Variants in STRADB observed in about 807,000 individuals in gnomAD.
STRADB encodes the protein STE20 related adaptor beta.
STRADB carries 34 observed loss-of-function variants against 52.1 expected under a neutral mutation model. The ratio of observed to expected loss-of-function variants is 0.65; its 90% CI spans 0.50 to 0.87. The LOEUF is 0.87. STRADB is among the 40% of genes least tolerant of loss of function. STRADB has a pLI of 0.00. For synonymous variants in STRADB, 133 were observed against 174.5 expected (o/e 0.76, Z 1.87); for missense variants, 340 against 483.9 (o/e 0.70, Z 2.79).
intron 3 of STRADB, among the ~76,000 whole-genome samples, chr2:201,465,090 C>T (rs1254325852): frequency 2.0e-5 from 3 of 152,208 alleles, no homozygotes; most frequent in African/African-American, 4.8e-5. Flanking sequence ...CTCTAGCCTA[C>T]TGTGGCTGAG....
rs1465400764 is a variant in STRADB at position 201,478,105 on chromosome 2, G to A, written c.739G>A (p.Val247Met). 1 of 1,610,798 alleles carries A rather than the reference G, an allele frequency of 6.2e-7. No individual in the cohort carries two copies. The highest frequency in any genetic ancestry group is 1.7e-4 in the Middle Eastern group (1 of 6,046). ...CCTACAGGATTTACATGGGTATAAT[G>A]TGAAGTCAGATATTTACAGTGTTGG... ...LLRQDLHGYN[V>M]KSDIYSVGIT... The change falls in exon 9 of 12, where the codon GTG (valine) becomes ATG (methionine). Residue 247 changes from valine (V) to methionine (M), a missense_variant. Val to Met is a conservative substitution (Grantham distance 21, BLOSUM62 1). Coordinates refer to ENST00000194530, the MANE Select transcript of STRADB (RefSeq NM_018571.6).
intron 7 of STRADB, among the ~76,000 whole-genome samples, chr2:201,477,033 G>T (rs372825256): frequency 2.6e-4 from 20 of 77,672 alleles, no homozygotes; most frequent in South Asian, 8.7e-4. Flanking sequence ...TCCATTTCTT[G>T]TTTGAAAAAA....
intron 3 of STRADB, among the ~76,000 whole-genome samples, chr2:201,468,859 C>A (rs1000980488): frequency 6.6e-6 from 1 of 152,128 alleles, no homozygotes; most frequent in Admixed American, 6.5e-5. Context: ...CTGAAGACTA[C>A]CTGTTTTAAA....
At chr2:201,477,065 T>G (rs1952487988) in intron 7 of STRADB, among the ~76,000 whole-genome samples, 2 of 106,268 alleles carry the variant, frequency 1.9e-5, no homozygotes, top group Admixed American at 9.1e-5. Flanking sequence ...TTTTTTTTTT[T>G]TTTTTTTTTT....
chr2:201,478,289 G>T, intron 9 of STRADB, 68 bp from the exon 10 acceptor site: 1 of 1,599,278 alleles, frequency 6.3e-7, no homozygotes, highest in Non-Finnish European at 8.5e-7. Context: ...ACTCTTAGGA[G>T]CTTTATTGTT....
chr2:201,474,478 A>AATT (rs1445397991), intron 5 of STRADB, 169 bp from the exon 6 acceptor site: 3 of 529,414 alleles, frequency 5.7e-6, no homozygotes, highest in Admixed American at 4.1e-5. Context: ...TGGGAATCAT[A>AATT]ATATCACATA....
At position 201,480,108 on chromosome 2, in the gene STRADB, C is replaced by T. The variant is rs777532118; in HGVS notation, c.1190C>T (p.Pro397Leu). 15 of 1,613,758 alleles carry T rather than the reference C, an allele frequency of 9.3e-6. No homozygotes were observed. The highest frequency in any genetic ancestry group is 1.2e-5 in the Non-Finnish European group (14 of 1,179,826). The change falls in exon 12 of 12, where the codon CCA (proline) becomes CTA (leucine). Residue 397 changes from proline (P) to leucine (L), a missense_variant. By Grantham distance (98) the Pro-to-Leu change is moderately conservative (BLOSUM62 -3). Coordinates refer to ENST00000194530, the MANE Select transcript of STRADB (RefSeq NM_018571.6). The stretch of plus-strand genomic sequence containing the variant: ...AACAAGCCATCAATATCATTGCCTC[C>T]AGTGTTACCTTGGACTGAGCCAGAA... ...AYNKPSISLP[P>L]VLPWTEPECD...
Position 201,472,966 on chromosome 2 carries a change from G to C in STRADB, c.205G>C (p.Asp69His). Residue 69 changes from aspartate to histidine, a missense_variant, in exon 5 of 12, where the codon GAC becomes CAC. Asp to His is a moderately conservative substitution (Grantham distance 81). Coordinates refer to ENST00000194530, the MANE Select transcript of STRADB (RefSeq NM_018571.6). ...ATGTCTGATTACAGGAAGAGGATTT[G>C]ACAACTTGACTTCTGTCCATCTTGC... Reference protein sequence around the residue: ...ELQVEIGRGFDNLTSVHLARH... With the variant: ...ELQVEIGRGFHNLTSVHLARH... The C allele has an allele frequency of 6.2e-7, 1 of 1,605,430 alleles. No homozygotes were observed. Among genetic ancestry groups the C allele is most frequent in the Non-Finnish European group, 8.5e-7 (1 of 1,176,770 alleles).
intron 3 of STRADB, chr2:201,460,713 A>G: frequency 4.5e-6 from 1 of 223,546 alleles, no homozygotes; most frequent in Non-Finnish European, 1.0e-5. Flanking sequence ...TTTTGTGGCT[A>G]AATAGTATTC....
At chr2:201,467,516 G>A (rs1489820489) in intron 3 of STRADB, among the ~76,000 whole-genome samples, 3 of 152,108 alleles carry the variant, frequency 2.0e-5, no homozygotes, top group South Asian at 2.1e-4. Context: ...TTTCTTAGGC[G>A]GAACTGAAAT....
intron 7 of STRADB, among the ~76,000 whole-genome samples, chr2:201,476,590 A>C (rs186441970): frequency 4.6e-5 from 7 of 152,166 alleles, no homozygotes; most frequent in African/African-American, 1.4e-4. Flanking sequence ...CTTATTGGAT[A>C]GTATTACATT....
At chr2:201,469,342 T>C (rs1167432187) in intron 3 of STRADB, among the ~76,000 whole-genome samples, 2 of 152,226 alleles carry the variant, frequency 1.3e-5, no homozygotes, top group African/African-American at 4.8e-5. Context: ...TCACTGTCAC[T>C]GTATTCAGGT....
intron 3 of STRADB, among the ~76,000 whole-genome samples, chr2:201,466,164 C>T (rs923988025): frequency 6.6e-6 from 1 of 152,138 alleles, no homozygotes; most frequent in African/African-American, 2.4e-5. Context: ...ACCTCCCTCC[C>T]AGTCTGAGTT....
intron 3 of STRADB, among the ~76,000 whole-genome samples, chr2:201,460,554 C>T (rs1229386285): frequency 6.6e-6 from 1 of 152,066 alleles, no homozygotes; most frequent in Non-Finnish European, 1.5e-5. Flanking sequence ...GGCCTCTATT[C>T]TCTATCTCCA....
intron 4 of STRADB, among the ~76,000 whole-genome samples, chr2:201,472,413 T>C (rs1952404084): frequency 1.3e-5 from 2 of 152,238 alleles, no homozygotes; most frequent in Admixed American, 1.3e-4. Context: ...CAATTGTTTA[T>C]TGCTCAGCAA....
intron 3 of STRADB, chr2:201,460,827 G>T (rs756817321): frequency 8.2e-6 from 3 of 367,210 alleles, no homozygotes; most frequent in Non-Finnish European, 1.7e-5. Flanking sequence ...AATAAACATG[G>T]ATGTGTATAT....
At chr2:201,475,918 C>A (rs908164398) in intron 7 of STRADB, among the ~76,000 whole-genome samples, 176 bp downstream of exon 7, 1 of 152,092 alleles carries the variant, frequency 6.6e-6, no homozygotes, top group African/African-American at 2.4e-5. Context: ...TATGTCCATT[C>A]GCCAAACATG....
At chr2:201,475,881 A>G (rs1952463788) in intron 7 of STRADB, 139 bp downstream of exon 7, 1 of 885,982 alleles carries the variant, frequency 1.1e-6, no homozygotes, top group Non-Finnish European at 1.7e-6. Context: ...GGAAGGGACC[A>G]TTAGGTGCAG....
chr2:201,473,619 G>A (rs1006839877), intron 5 of STRADB, among the ~76,000 whole-genome samples: 15 of 152,098 alleles, frequency 9.9e-5, no homozygotes, highest in African/African-American at 3.4e-4. Context: ...TCAAACTTTG[G>A]TAACTGCTGC....
Sources: allele counts gnomAD v4.1 joint callset (sites outside exome capture counted in the v4.1 genomes callset), GRCh38; gene constraint gnomAD v4.1.1; transcripts MANE v1.5; gene names NCBI Gene and HGNC (gene_info 2026-07-23, HGNC 2026-07-21).